Variants in ANO1 observed in about 807,000 individuals in gnomAD.
ANO1 encodes the protein anoctamin 1, also known as anoctamin-1.
A neutral mutation model predicts 124.0 loss-of-function variants in ANO1; 59 were observed. The observed-to-expected ratio is 0.48, with a 90% CI of 0.39 to 0.59. ANO1 has a LOEUF of 0.59. ANO1 is among the 20% of genes least tolerant of loss of function. The pLI, the probability that ANO1 is intolerant of heterozygous loss-of-function variation, is 0.00. For synonymous variants in ANO1, 529 were observed against 532.0 expected, an observed-to-expected ratio of 0.99 and a Z score of 0.08; for missense variants, 1,059 against 1,328.0, an observed-to-expected ratio of 0.80 and a Z score of 3.15.
intron 1 of ANO1, chr11:70,072,988 G>C (rs939179132): frequency 6.6e-5 from 10 of 152,274 alleles, no homozygotes; most frequent in African/African-American, 2.4e-4. Flanking sequence ...GAAGCCATAA[G>C]GGTCACCCTT....
chr11:70,165,320 C>T (rs1026967725), intron 19 of ANO1, 150 bp from the exon 20 acceptor site: 1 of 661,678 alleles, frequency 1.5e-6, no homozygotes, highest in Non-Finnish European at 2.6e-6. Flanking sequence ...GCAAATAAGG[C>T]CACGTTCCCA....
intron 1 of ANO1, among the ~76,000 whole-genome samples, chr11:70,037,895 C>T (rs1209404493): frequency 6.6e-6 from 1 of 152,166 alleles, no homozygotes; most frequent in East Asian, 1.9e-4. Context: ...GGTCACTCAT[C>T]TTATTCCATG....
intron 1 of ANO1, among the ~76,000 whole-genome samples, chr11:70,036,942 C>T (rs10899459): frequency 0.019 from 2,917 of 152,308 alleles, 116 homozygotes; most frequent in East Asian, 0.16. Flanking sequence ...CTTTCTCTCC[C>T]GAGGCTGGGG....
the ANO1 span, among the ~76,000 whole-genome samples, chr11:69,971,947 G>A: frequency 1.3e-5 from 2 of 152,088 alleles, no homozygotes; most frequent in Admixed American, 6.5e-5. Flanking sequence ...GAGGCTGGGC[G>A]CGGTGGCTCA....
intron 2 of ANO1, among the ~76,000 whole-genome samples, chr11:70,098,295 G>A (rs1234835779): frequency 2.6e-5 from 4 of 152,222 alleles, no homozygotes; most frequent in African/African-American, 7.2e-5. Flanking sequence ...GGGCCTTCGG[G>A]CCCAAACCCC....
intron 1 of ANO1, among the ~76,000 whole-genome samples, chr11:69,996,956 G>C (rs1323823733): frequency 6.6e-6 from 1 of 152,176 alleles, no homozygotes; most frequent in Non-Finnish European, 1.5e-5. Flanking sequence ...AGATCCCAGG[G>C]TGTGGGGTGA....
chr11:69,999,031 CAAA>C (rs141040946), intron 1 of ANO1, among the ~76,000 whole-genome samples: 176 of 128,162 alleles, frequency 1.4e-3, no homozygotes, highest in South Asian at 2.5e-3. Context: ...GAGACTGTCT[CAAA>C]AAAAAAAAAA....
intron 1 of ANO1, among the ~76,000 whole-genome samples, chr11:69,992,461 T>A (rs782300576): frequency 2.6e-5 from 4 of 152,184 alleles, no homozygotes; most frequent in Non-Finnish European, 5.9e-5. Context: ...GAGCAAGGAA[T>A]GTGCCTAATT....
intron 11 of ANO1, among the ~76,000 whole-genome samples, chr11:70,139,126 C>T (rs531551783): frequency 6.6e-6 from 1 of 152,278 alleles, no homozygotes; most frequent in East Asian, 1.9e-4. Flanking sequence ...TTTATGACTG[C>T]GTAGTGTTCC....
intron 1 of ANO1, 140 bp from the exon 2 acceptor site, chr11:70,087,612 G>A (rs1353307958): frequency 4.1e-5 from 32 of 783,010 alleles, no homozygotes; most frequent in Non-Finnish European, 3.7e-5. Context: ...CTAGGACAGT[G>A]CCTGGCCCGT....
chr11:70,039,711 C>T (rs369915079), intron 1 of ANO1, among the ~76,000 whole-genome samples: 8 of 152,118 alleles, frequency 5.3e-5, no homozygotes, highest in South Asian at 4.2e-4. Context: ...TGGAAGAGGG[C>T]GTCCAGAAGT....
chr11:70,161,768 T>C, intron 18 of ANO1, 35 bp downstream of exon 18: 1 of 1,599,962 alleles, frequency 6.3e-7, no homozygotes, highest in Non-Finnish European at 8.6e-7. Flanking sequence ...CAACCTCGCT[T>C]CTCCCAGGTC....
intron 16 of ANO1, among the ~76,000 whole-genome samples, chr11:70,160,239 C>T (rs544363088): frequency 3.6e-4 from 55 of 152,216 alleles, no homozygotes; most frequent in African/African-American, 1.3e-3. Context: ...CTGTGTCCTG[C>T]GGGTGGTTTC....
At chr11:70,122,642 CTCTCTG>C (rs1006629744) in intron 8 of ANO1, among the ~76,000 whole-genome samples, 4 of 151,536 alleles carry the variant, frequency 2.6e-5, no homozygotes, top group African/African-American at 7.3e-5. Flanking sequence ...CCCCTTCTCT[CTCTCTG>C]TCTCTGTCTC....
intron 11 of ANO1, among the ~76,000 whole-genome samples, chr11:70,133,217 G>T (rs2046829771): frequency 6.6e-6 from 1 of 152,190 alleles, no homozygotes. Flanking sequence ...GAGGACAGAG[G>T]CCAGCCAGGT....
At position 70,026,352 on chromosome 11, in the gene ANO1, C is replaced by T. The variant is rs1309807579; in HGVS notation, c.58+40186C>T. Among the ~76,000 whole-genome samples, 9 of 122,254 alleles carry T rather than the reference C, an allele frequency of 7.4e-5. No homozygotes were observed. In the East Asian group the frequency reaches 1.0e-3, roughly 14 times the overall value. The allele number at this position is 122,254 out of a possible 152,430, so 80.2% of individuals were successfully genotyped here. A position where few individuals can be genotyped will look rare whatever the true frequency, so the allele number is the denominator to read the frequency against. On this transcript the variant is annotated intron_variant, in intron 1 of 27. Transcript: ENST00000531349. ...GTGGTGGTGGTGGTGGTGGTGGTGA[C>T]GGTGATGGTGGTGGTGGTGATGACA...
At chr11:70,112,570 T>TG (rs2045828059) in intron 7 of ANO1, among the ~76,000 whole-genome samples, 1 of 144,952 alleles carries the variant, frequency 6.9e-6, no homozygotes, top group Non-Finnish European at 1.5e-5. Context: ...TTTTTTTTTT[T>TG]GAAACAAGAC....
chr11:69,989,735 G>A (rs1856118266), intron 1 of ANO1, among the ~76,000 whole-genome samples: 1 of 152,166 alleles, frequency 6.6e-6, no homozygotes, highest in South Asian at 2.1e-4. Context: ...CCTGCTCAGA[G>A]GCTCTTGCAA....
chr11:69,969,628 A>G, the ANO1 span, among the ~76,000 whole-genome samples: 1 of 152,170 alleles, frequency 6.6e-6, no homozygotes, highest in Non-Finnish European at 1.5e-5. Context: ...CAGGGTAAAG[A>G]GAAAGAGGCA....
Sources: allele counts gnomAD v4.1 joint callset (sites outside exome capture counted in the v4.1 genomes callset), GRCh38; gene constraint gnomAD v4.1.1; transcripts MANE v1.5; gene names NCBI Gene and HGNC (gene_info 2026-07-23, HGNC 2026-07-21).